The following PTPRN2 variants were observed in gnomAD, a reference collection of about 807,000 sequenced individuals.
The protein encoded by PTPRN2 is receptor-type tyrosine-protein phosphatase N2.
PTPRN2 carries 74 observed loss-of-function variants against 118.8 expected under a neutral mutation model. The observed-to-expected ratio is 0.62, with a 90% CI of 0.52 to 0.76. The LOEUF (loss-of-function observed/expected upper bound fraction) is 0.76. Ranked by LOEUF, PTPRN2 falls within the 30% of genes least tolerant of loss-of-function variation. The probability of loss-of-function intolerance (pLI) is 0.00; values close to 1 mark genes in which losing one functional copy is unlikely to be tolerated. For synonymous variants in PTPRN2, 641 were observed against 608.0 expected (o/e 1.05, Z -0.80); for missense variants, 1,481 against 1,394.4 (o/e 1.06, Z -0.99).
At chr7:157,826,171 C>T (rs1807159559) in intron 12 of PTPRN2, among the ~76,000 whole-genome samples, 1 of 151,758 alleles carries the variant, frequency 6.6e-6, no homozygotes, top group East Asian at 1.9e-4. Context: ...ACAACGAGCG[C>T]CATTTCCACG....
At chr7:158,500,033 TAA>T (rs34436604) in intron 1 of PTPRN2, among the ~76,000 whole-genome samples, 3,363 of 121,480 alleles carry the variant, frequency 0.028, 118 homozygotes, top group African/African-American at 0.093. Context: ...ACACTTGAGC[TAA>T]AAAAAAAAAA....
chr7:158,101,607 A>G (rs1815234419), intron 10 of PTPRN2, among the ~76,000 whole-genome samples: 1 of 152,244 alleles, frequency 6.6e-6, no homozygotes. Context: ...TAGCCCAAAC[A>G]ATCCCACTGT....
chr7:158,089,155 C>G (rs77549988), intron 10 of PTPRN2, among the ~76,000 whole-genome samples: 1 of 14,512 alleles, frequency 6.9e-5, no homozygotes, highest in African/African-American at 1.5e-4. Flanking sequence ...CTTCCCCTGA[C>G]GAAAGAGGGA....
intron 12 of PTPRN2, among the ~76,000 whole-genome samples, chr7:157,817,688 C>G (rs929180017): frequency 1.3e-5 from 2 of 152,208 alleles, no homozygotes; most frequent in East Asian, 1.9e-4. Context: ...GTGAGGGGGC[C>G]AAGGAGAGCC....
chr7:157,850,851 T>C (rs530908648), intron 12 of PTPRN2, among the ~76,000 whole-genome samples: 1 of 152,218 alleles, frequency 6.6e-6, no homozygotes, highest in African/African-American at 2.4e-5. Context: ...GCCACATCAA[T>C]GTGTAAAATA....
chr7:157,544,356 A>G (rs899298249), intron 22 of PTPRN2, among the ~76,000 whole-genome samples: 6 of 152,246 alleles, frequency 3.9e-5, no homozygotes, highest in African/African-American at 1.4e-4. Flanking sequence ...ATGTCTGGGC[A>G]ACGCCCTGCT....
At chr7:158,261,077 G>C (rs986060920) in intron 3 of PTPRN2, among the ~76,000 whole-genome samples, 4 of 152,170 alleles carry the variant, frequency 2.6e-5, no homozygotes, top group South Asian at 4.1e-4. Context: ...ATCCAGCAAG[G>C]GGGGCGTGAG....
chr7:157,619,035 C>A lies in PTPRN2; in HGVS notation c.2344+2327G>T, dbSNP rs1802983225. On this transcript the variant is annotated intron_variant, in intron 15 of 22. Coordinates refer to ENST00000389418, the MANE Select transcript of PTPRN2 (RefSeq NM_002847.5). This position sits in a 1 kb window ranked among gnomAD's most constrained non-coding sequence, Gnocchi z 5.3. ...CATCAGGCGCCCATCCACATGTGGCCACCCTGTTGGCACCGGCTGCTACCT... is the reference window on the plus strand; with the variant it reads ...CATCAGGCGCCCATCCACATGTGGCAACCCTGTTGGCACCGGCTGCTACCT... Among the ~76,000 whole-genome samples the A allele has an allele frequency of 1.3e-5, 2 of 152,078 alleles. No individual in the cohort carries two copies. The highest frequency in any genetic ancestry group is 4.2e-4 in the South Asian group (2 of 4,814).
chr7:158,043,061 C>T (rs1479129649), intron 11 of PTPRN2, among the ~76,000 whole-genome samples: 1 of 152,092 alleles, frequency 6.6e-6, no homozygotes, highest in Non-Finnish European at 1.5e-5. Flanking sequence ...CAGTGAAAAG[C>T]TCCTGATGGG....
chr7:158,471,264 C>G (rs1336108561), intron 2 of PTPRN2, among the ~76,000 whole-genome samples: 1 of 152,020 alleles, frequency 6.6e-6, no homozygotes, highest in Non-Finnish European at 1.5e-5. Flanking sequence ...GAGCCAGCTC[C>G]CCTCCCGCCT....
At chr7:157,662,202 T>C (rs146719758) in intron 13 of PTPRN2, among the ~76,000 whole-genome samples, 1 of 152,194 alleles carries the variant, frequency 6.6e-6, no homozygotes, top group Non-Finnish European at 1.5e-5. Context: ...TGGTACCGAC[T>C]TCACCGCTGG....
chr7:158,326,805 TCA>T lies in PTPRN2; in HGVS notation c.164-9875_164-9874del, dbSNP rs1305671477. On this transcript the variant is annotated intron_variant, in intron 2 of 22. Coordinates refer to ENST00000389418, the MANE Select transcript of PTPRN2 (RefSeq NM_002847.5). ...CTCACATGCACACACATGCACATTC[TCA>T]CACATGCACACATCCTCACACATGC... Among the ~76,000 whole-genome samples, 7 of 137,514 alleles carry T rather than the reference TCA, an allele frequency of 5.1e-5. 2 individuals carry two copies. Among genetic ancestry groups the T allele is most frequent in the African/African-American group, 5.6e-5 (2 of 35,660 alleles). The allele number at this position is 137,514 out of a possible 152,430, so 90.2% of individuals were successfully genotyped here. A position where few individuals can be genotyped will look rare whatever the true frequency, so the allele number is the denominator to read the frequency against.
chr7:158,215,503 A>T (rs1827893151), intron 3 of PTPRN2, among the ~76,000 whole-genome samples: 1 of 152,196 alleles, frequency 6.6e-6, no homozygotes, highest in African/African-American at 2.4e-5. Flanking sequence ...AGAAACATGA[A>T]CCTAAAACTT....
At chr7:158,328,928 A>T (rs947918067) in intron 2 of PTPRN2, among the ~76,000 whole-genome samples, 76 of 136,362 alleles carry the variant, frequency 5.6e-4, no homozygotes, top group Middle Eastern at 9.3e-3. Context: ...TGGGACGGTA[A>T]ATCCAGGAGA....
intron 11 of PTPRN2, among the ~76,000 whole-genome samples, chr7:157,967,626 G>T (rs1241104612): frequency 6.6e-6 from 1 of 152,152 alleles, no homozygotes. Context: ...CATGACATGG[G>T]GAAAAGGAGA....
intron 14 of PTPRN2, among the ~76,000 whole-genome samples, chr7:157,624,130 G>A (rs1196959378): frequency 6.6e-6 from 1 of 152,106 alleles, no homozygotes; most frequent in African/African-American, 2.4e-5. Context: ...TAAGTTGAAA[G>A]TGCATTGAGG....
chr7:158,530,459 A>T (rs978781429), intron 1 of PTPRN2, among the ~76,000 whole-genome samples: 2 of 152,122 alleles, frequency 1.3e-5, no homozygotes, highest in African/African-American at 4.8e-5. Flanking sequence ...TGTGCCACAG[A>T]CTCAGCTCTG....
At chr7:157,914,095 C>G (rs916451278) in intron 11 of PTPRN2, among the ~76,000 whole-genome samples, 1 of 152,094 alleles carries the variant, frequency 6.6e-6, no homozygotes, top group African/African-American at 2.4e-5. Context: ...TTTTATATGC[C>G]AAAGCATCTA....
At chr7:158,138,049 T>C (rs1460972381) in intron 7 of PTPRN2, among the ~76,000 whole-genome samples, 1 of 152,268 alleles carries the variant, frequency 6.6e-6, no homozygotes, top group Non-Finnish European at 1.5e-5. Context: ...AGCCTCAGCA[T>C]GGAGGAGTGA....
Sources: allele counts gnomAD v4.1 joint callset (sites outside exome capture counted in the v4.1 genomes callset), GRCh38; gene constraint gnomAD v4.1.1; non-coding constraint Gnocchi (gnomAD v3.1); transcripts MANE v1.5; gene names NCBI Gene and HGNC (gene_info 2026-07-23, HGNC 2026-07-21).